Variants in HEATR5A observed in about 807,000 individuals in gnomAD.
HEATR5A encodes HEAT repeat-containing protein 5A.
A neutral mutation model predicts 218.8 loss-of-function variants in HEATR5A; 178 were observed. That is an observed-to-expected ratio of 0.81 (90% confidence interval 0.72 to 0.92). The LOEUF is 0.92. Among genes scored for constraint, HEATR5A ranks in the 40% least tolerant of loss-of-function variants. The probability of loss-of-function intolerance (pLI) is 0.00; values close to 1 mark genes in which losing one functional copy is unlikely to be tolerated. For synonymous variants in HEATR5A, 864 were observed against 871.6 expected (o/e 0.99, Z 0.15); for missense variants, 2,420 against 2,418.9 (o/e 1.00, Z -0.01).
chr14:31,398,887 G>A (rs754258161), intron 3 of HEATR5A, 106 bp from the exon 4 acceptor site: 4 of 639,564 alleles, frequency 6.3e-6, no homozygotes, highest in Non-Finnish European at 1.1e-5. Context: ...CCATTCTCTT[G>A]TCTTTTTACT....
chr14:31,339,313 G>A (rs1900767680), intron 21 of HEATR5A, among the ~76,000 whole-genome samples: 1 of 151,328 alleles, frequency 6.6e-6, no homozygotes, highest in Non-Finnish European at 1.5e-5. Context: ...AGCTGGGCGT[G>A]GTGGCACACA....
intron 28 of HEATR5A, among the ~76,000 whole-genome samples, chr14:31,312,672 CG>C (rs1215801818): frequency 6.6e-6 from 1 of 152,076 alleles, no homozygotes; most frequent in Non-Finnish European, 1.5e-5. Flanking sequence ...CTCAGCTTCC[CG>C]AACTGCTGGG....
Position 31,380,529 on chromosome 14 carries a change from C to A in HEATR5A, c.1646G>T (p.Ser549Ile), listed in dbSNP as rs1038731524. ...EDLLCSAAQN[S>I]RLSAQRTQAG... ...TTGTGTGCGCTGAGCTGAAAGGCGA[C>A]TGTTTTGAGCAGCAGAACACAGCAA... Residue 549 changes from serine to isoleucine, a missense_variant, in exon 11 of 36, where the codon AGT (serine) becomes ATT (isoleucine). By Grantham distance (142) the Ser-to-Ile change is moderately radical. Transcript: ENST00000543095. The A allele has an allele frequency of 1.9e-6, 3 of 1,608,058 alleles. No individual in the cohort carries two copies. Among genetic ancestry groups the A allele is most frequent in the Non-Finnish European group, 2.5e-6 (3 of 1,177,162 alleles).
rs140303280 is a variant in HEATR5A at position 31,310,571 on chromosome 14, T to C, written c.4442-1389A>G. ...AGGAGAATTGCTTGAACCCAGGAGG[T>C]GGAGGTTGCAGTGAGCCGAGATCAA... On this transcript the variant is annotated intron_variant, in intron 28 of 35. Coordinates refer to ENST00000543095, the MANE Select transcript of HEATR5A (RefSeq NM_015473.4). Among the ~76,000 whole-genome samples the C allele has an allele frequency of 0.011, 1,688 of 152,046 alleles. 86 individuals are homozygous for C. The East Asian group carries it at 0.16, about 14-fold the overall frequency.
intron 1 of HEATR5A, among the ~76,000 whole-genome samples, chr14:31,403,765 G>T (rs2030960487): frequency 6.6e-6 from 1 of 152,162 alleles, no homozygotes; most frequent in Admixed American, 6.5e-5. Flanking sequence ...AAGACACAGG[G>T]TTTGTAAAAT....
intron 11 of HEATR5A, among the ~76,000 whole-genome samples, chr14:31,379,257 T>C (rs548687627): frequency 2.4e-4 from 36 of 149,598 alleles, no homozygotes; most frequent in Admixed American, 8.0e-4. Flanking sequence ...TATTCATTTT[T>C]TGTTTTATTT....
At chr14:31,370,829 AT>A (rs1902011262) in intron 13 of HEATR5A, among the ~76,000 whole-genome samples, 1 of 152,244 alleles carries the variant, frequency 6.6e-6, no homozygotes, top group African/African-American at 2.4e-5. Flanking sequence ...CAGGACAGTA[AT>A]TTTTGCCTGA....
intron 28 of HEATR5A, 101 bp from the exon 29 acceptor site, chr14:31,309,283 C>G (rs1899657831): frequency 4.6e-6 from 6 of 1,298,116 alleles, no homozygotes; most frequent in Middle Eastern, 2.1e-4. Context: ...TCCGAAAGTT[C>G]CCTTGTACCC....
chr14:31,405,706 G>T (rs1462036630), intron 1 of HEATR5A, among the ~76,000 whole-genome samples: 1 of 152,106 alleles, frequency 6.6e-6, no homozygotes, highest in Non-Finnish European at 1.5e-5. Flanking sequence ...GTATCATAGA[G>T]AAAATTTCTT....
intron 3 of HEATR5A, 120 bp downstream of exon 3, chr14:31,400,181 A>G (rs779043806): frequency 1.7e-5 from 10 of 592,230 alleles, no homozygotes; most frequent in Non-Finnish European, 2.5e-5. Flanking sequence ...AGATTTTGAA[A>G]ATGAGTAAAA....
At chr14:31,308,362 C>T (rs1329958447) in intron 29 of HEATR5A, among the ~76,000 whole-genome samples, 1 of 152,062 alleles carries the variant, frequency 6.6e-6, no homozygotes, top group African/African-American at 2.4e-5. Flanking sequence ...ACAAAATTAG[C>T]TGGGCATGGT....
In HEATR5A at chr14:31,340,961, C is replaced by T. The variant is rs148260029; in HGVS notation, c.3228+2935G>A. Among the ~76,000 whole-genome samples the T allele has an allele frequency of 2.0e-3, 300 of 152,230 alleles. 1 individual carries two copies. The highest frequency in any genetic ancestry group is 3.7e-3 in the Non-Finnish European group (249 of 68,010). On this transcript the variant is annotated intron_variant, in intron 21 of 35. Transcript: ENST00000543095. ...AGTGTAGCTAAGGCCAAGTTTAGAA[C>T]GGAAGTTAAAGAGCATGCAGTTAAA... is the stretch of plus-strand genomic sequence containing the variant.
intron 33 of HEATR5A, among the ~76,000 whole-genome samples, chr14:31,299,718 C>T (rs1325126068): frequency 1.4e-5 from 2 of 143,178 alleles, no homozygotes; most frequent in Non-Finnish European, 3.0e-5. Context: ...AGCAAAACTC[C>T]GTCTCAAAAC....
At chr14:31,295,845 G>C (rs1899172804) in intron 34 of HEATR5A, 64 bp downstream of exon 34, 1 of 1,386,094 alleles carries the variant, frequency 7.2e-7, no homozygotes. Context: ...AAATCACACA[G>C]AAAATTTTCT....
Position 31,293,550 on chromosome 14 carries a change from G to A in HEATR5A, c.5896C>T (p.Leu1966=). 6.2e-7 allele frequency: 1 copy of A among 1,613,702 alleles called. No individual in the cohort carries two copies. The highest frequency in any genetic ancestry group is 8.5e-7 in the Non-Finnish European group (1 of 1,179,806). ...LISFLLDENS[L]GSATSIMRNL... ...CTCATTATGGAAGTTGCTGATCCCA[G>A]AGAATTTTCATCCAAAAGGAAGGAA... is the stretch of plus-strand genomic sequence containing the variant. The change falls in exon 36 of 36, where the codon CTG becomes TTG. Residue 1966 remains leucine (L), a synonymous_variant. Coordinates refer to ENST00000543095, the MANE Select transcript of HEATR5A (RefSeq NM_015473.4).
intron 9 of HEATR5A, 98 bp downstream of exon 9, chr14:31,386,322 T>C (rs1194565478): frequency 3.7e-6 from 3 of 818,774 alleles, no homozygotes; most frequent in African/African-American, 1.8e-5. Flanking sequence ...CTCATAAATC[T>C]ATAATGGAAT....
intron 22 of HEATR5A, among the ~76,000 whole-genome samples, chr14:31,337,067 T>G (rs1480314505): frequency 3.9e-5 from 6 of 152,246 alleles, no homozygotes; most frequent in Admixed American, 3.3e-4. Flanking sequence ...AGATATGGTA[T>G]TATAATCTTA....
chr14:31,300,445 T>C (rs927740762), intron 33 of HEATR5A, among the ~76,000 whole-genome samples: 2 of 152,048 alleles, frequency 1.3e-5, no homozygotes, highest in African/African-American at 4.8e-5. Flanking sequence ...TCTAATCCTT[T>C]AAGGCGTTGA....
In HEATR5A at chr14:31,305,050, T is replaced by A; in HGVS notation, c.5094A>T (p.Arg1698Ser). ...TLELCVCILV[R>S]QLPELNPKLT... ...ATTTAGGGTTTAATTCTGGGAGCTGTCTAACTAGAATGCATACACACAATT... is the reference window on the plus strand; with the variant it reads ...ATTTAGGGTTTAATTCTGGGAGCTGACTAACTAGAATGCATACACACAATT... The change falls in exon 32 of 36, where the codon AGA (arginine) becomes AGT (serine). Residue 1698 changes from arginine to serine, a missense_variant. Physicochemically the swap from Arg to Ser is moderately radical, Grantham distance 110 (BLOSUM62 -1). Coordinates refer to ENST00000543095, the MANE Select transcript of HEATR5A (RefSeq NM_015473.4). The A allele has an allele frequency of 6.2e-7, 1 of 1,613,988 alleles. No individual in the cohort carries two copies. Among genetic ancestry groups the A allele is most frequent in the South Asian group, 1.1e-5 (1 of 91,078 alleles).
Sources: gnomAD v4.1 joint callset for allele counts (sites outside exome capture counted in the v4.1 genomes callset) on GRCh38, gnomAD v4.1.1 for gene constraint, MANE v1.5 for transcripts, NCBI Gene and HGNC (gene_info 2026-07-23, HGNC 2026-07-21) for gene names.